Variants in SLC10A7 observed in about 807,000 individuals in gnomAD.
SLC10A7 encodes solute carrier family 10 member 7, also known as sodium/bile acid cotransporter 7.
SLC10A7 carries 29 observed loss-of-function variants against 43.2 expected under a neutral mutation model. That is an observed-to-expected ratio of 0.67 (90% CI 0.50 to 0.92). SLC10A7 has a LOEUF of 0.92. SLC10A7 is among the 40% of genes least tolerant of loss of function. The probability of loss-of-function intolerance (pLI) is 0.00; values close to 1 mark genes in which losing one functional copy is unlikely to be tolerated. For missense variants in SLC10A7, 295 were observed against 403.2 expected (o/e 0.73, Z 2.30); for synonymous variants, 152 against 144.8 (o/e 1.05, Z -0.35).
intron 5 of SLC10A7, among the ~76,000 whole-genome samples, chr4:146,413,807 GAA>G (rs796567153): frequency 6.6e-5 from 10 of 152,226 alleles, no homozygotes; most frequent in African/African-American, 1.2e-4. Context: ...TTCCTAGAGG[GAA>G]AAGAGTCTTG....
chr4:146,427,418 G>A (rs907791210), intron 5 of SLC10A7, among the ~76,000 whole-genome samples: 12 of 152,148 alleles, frequency 7.9e-5, no homozygotes, highest in African/African-American at 2.9e-4. Context: ...ACTGGTAGGA[G>A]TTTTTATTCA....
chr4:146,351,413 T>C (rs1405631890), intron 5 of SLC10A7, among the ~76,000 whole-genome samples: 4 of 152,094 alleles, frequency 2.6e-5, no homozygotes, highest in African/African-American at 9.7e-5. Context: ...GTCTGATTGG[T>C]GTACCTGAAA....
chr4:146,290,517 G>A (rs1156540389), intron 9 of SLC10A7, among the ~76,000 whole-genome samples: 1 of 152,010 alleles, frequency 6.6e-6, no homozygotes. Context: ...GCTATATGCT[G>A]TCGTTTATCA....
intron 11 of SLC10A7, among the ~76,000 whole-genome samples, chr4:146,257,324 A>G (rs1251702697): frequency 6.6e-6 from 1 of 152,236 alleles, no homozygotes; most frequent in Non-Finnish European, 1.5e-5. Context: ...AATCTTTTTT[A>G]TGTTAACATT....
At chr4:146,506,804 A>G (rs1395490975) in intron 3 of SLC10A7, among the ~76,000 whole-genome samples, 4 of 150,786 alleles carry the variant, frequency 2.7e-5, no homozygotes, top group African/African-American at 9.8e-5. Context: ...CCATCTTTTC[A>G]ATCTTATTTT....
chr4:146,379,825 G>C (rs946150771), intron 5 of SLC10A7, among the ~76,000 whole-genome samples: 6 of 152,088 alleles, frequency 3.9e-5, no homozygotes, highest in African/African-American at 1.2e-4. Context: ...TCCTAGCTGA[G>C]AGATTTAAAA....
chr4:146,513,646 T>C (rs186845237), intron 2 of SLC10A7, among the ~76,000 whole-genome samples: 5 of 152,340 alleles, frequency 3.3e-5, no homozygotes, highest in Admixed American at 6.5e-5. Flanking sequence ...CAACCAACCA[T>C]GTTGGCTCAT....
intron 7 of SLC10A7, among the ~76,000 whole-genome samples, chr4:146,301,000 T>C (rs1324024433): frequency 6.6e-6 from 1 of 152,170 alleles, no homozygotes; most frequent in Non-Finnish European, 1.5e-5. Context: ...AGTATACCTA[T>C]AAATAGTAAC....
At chr4:146,438,896 C>T (rs1404139891) in intron 5 of SLC10A7, among the ~76,000 whole-genome samples, 3 of 151,980 alleles carry the variant, frequency 2.0e-5, no homozygotes, top group African/African-American at 7.2e-5. Flanking sequence ...TGAGGAGCAA[C>T]ATGTGAGTTG....
At chr4:146,499,278 A>C (rs1736190699) in intron 4 of SLC10A7, among the ~76,000 whole-genome samples, 1 of 152,214 alleles carries the variant, frequency 6.6e-6, no homozygotes. Flanking sequence ...TTGCTATGTT[A>C]AAACCCATGT....
intron 5 of SLC10A7, among the ~76,000 whole-genome samples, chr4:146,401,566 G>GT (rs1362928521): frequency 6.6e-5 from 10 of 152,256 alleles, no homozygotes; most frequent in African/African-American, 2.4e-4. Flanking sequence ...TTACACGCCA[G>GT]TAACTCTGCC....
chr4:146,496,050 C>G (rs994553293), intron 4 of SLC10A7, among the ~76,000 whole-genome samples: 1 of 152,188 alleles, frequency 6.6e-6, no homozygotes, highest in Non-Finnish European at 1.5e-5. Context: ...GATCTCTAAC[C>G]TGAAGTTCTG....
At chr4:146,512,093 C>T (rs1352189141) in intron 2 of SLC10A7, among the ~76,000 whole-genome samples, 1 of 150,730 alleles carries the variant, frequency 6.6e-6, no homozygotes, top group Non-Finnish European at 1.5e-5. Flanking sequence ...CCTGCCTCCA[C>T]CTCCCAAGTA....
chr4:146,277,733 C>T (rs898072028), intron 10 of SLC10A7, among the ~76,000 whole-genome samples: 22 of 152,090 alleles, frequency 1.4e-4, no homozygotes, highest in Non-Finnish European at 8.8e-5. Flanking sequence ...TAATGGGTTA[C>T]TGTGAAACGG....
At chr4:146,460,676 A>G (rs535163572) in intron 4 of SLC10A7, among the ~76,000 whole-genome samples, 2 of 152,104 alleles carry the variant, frequency 1.3e-5, no homozygotes, top group Middle Eastern at 3.4e-3. Flanking sequence ...CAGGTAGAGG[A>G]AGGGGAAAGA....
intron 5 of SLC10A7, among the ~76,000 whole-genome samples, chr4:146,378,400 T>C (rs760213127): frequency 6.6e-6 from 1 of 152,148 alleles, no homozygotes; most frequent in African/African-American, 2.4e-5. Context: ...CCACAGAAAC[T>C]GAATCACAAA....
chr4:146,334,939 C>T (rs554711662), intron 5 of SLC10A7, among the ~76,000 whole-genome samples: 16 of 152,050 alleles, frequency 1.1e-4, no homozygotes, highest in Admixed American at 3.9e-4. Context: ...ACCTGTGTTA[C>T]GACTATTGGG....
chr4:146,498,823 A>AT (rs973634568), intron 4 of SLC10A7, among the ~76,000 whole-genome samples: 21 of 152,012 alleles, frequency 1.4e-4, no homozygotes, highest in African/African-American at 3.6e-4. Context: ...ATAACAACAT[A>AT]TTTTTTTTAA....
intron 5 of SLC10A7, among the ~76,000 whole-genome samples, chr4:146,381,974 A>G (rs1379557277): frequency 6.6e-6 from 1 of 152,164 alleles, no homozygotes; most frequent in Admixed American, 6.6e-5. Flanking sequence ...CTACACAGAA[A>G]ATAATGATTT....
Sources: allele counts gnomAD v4.1 joint callset (sites outside exome capture counted in the v4.1 genomes callset), GRCh38; gene constraint gnomAD v4.1.1; transcripts MANE v1.5; gene names NCBI Gene and HGNC (gene_info 2026-07-23, HGNC 2026-07-21).